Variants in CACNA1C observed in about 807,000 individuals in gnomAD.
The protein encoded by CACNA1C is voltage-dependent L-type calcium channel subunit alpha-1C.
In CACNA1C, 30 loss-of-function variants were observed where a neutral mutation model predicts 229.0. The ratio of observed to expected loss-of-function variants is 0.13; its 90% CI spans 0.10 to 0.18. The LOEUF (loss-of-function observed/expected upper bound fraction) is 0.18. Ranked by LOEUF, CACNA1C falls within the 10% of genes least tolerant of loss-of-function variation. The pLI, the probability that CACNA1C is intolerant of heterozygous loss-of-function variation, is 1.00. For synonymous variants in CACNA1C, 1,114 were observed against 1,132.5 expected (o/e 0.98, Z 0.33); for missense variants, 1,658 against 2,845.0 (o/e 0.58, Z 9.49).
chr12:2,486,395 A>T lies in CACNA1C; in HGVS notation c.916+133A>T. 1 of 661,810 alleles carries T rather than the reference A, an allele frequency of 1.5e-6. No individual in the cohort carries two copies. The highest frequency in any genetic ancestry group is 2.8e-5 in the South Asian group (1 of 35,718). 41.0% of individuals were successfully genotyped at this position (661,810 alleles called of 1,614,324 possible). On this transcript the variant is annotated intron_variant, in intron 6 of 46. Transcript: ENST00000399655. This position sits in a 1 kb window ranked among gnomAD's most constrained non-coding sequence, Gnocchi z 4.9. Reference sequence around the variant, plus strand: ...CCATTCATTCAGACACACACTGGGCATGGTTAAGTGAGAGGCAGAGACCCG... The same window carrying T: ...CCATTCATTCAGACACACACTGGGCTTGGTTAAGTGAGAGGCAGAGACCCG...
intron 3 of CACNA1C, among the ~76,000 whole-genome samples, chr12:2,371,585 G>A (rs113130122): frequency 2.3e-3 from 343 of 152,194 alleles, no homozygotes; most frequent in Non-Finnish European, 3.9e-3. Context: ...TACCACTGGT[G>A]CTCCAGGAAT....
intron 28 of CACNA1C, 90 bp from the exon 29 acceptor site, chr12:2,611,813 C>T (rs1450484211): frequency 6.6e-6 from 5 of 763,066 alleles, no homozygotes; most frequent in South Asian, 3.2e-5. Flanking sequence ...CTTGCTGAGG[C>T]GAGGGCCTTC....
At chr12:2,151,123 G>A (rs539062006) in intron 3 of CACNA1C, among the ~76,000 whole-genome samples, 1 of 152,280 alleles carries the variant, frequency 6.6e-6, no homozygotes, top group Admixed American at 6.5e-5. Context: ...AGTGGTACAG[G>A]ATTCCTATGG....
chr12:2,619,653 G>C (rs539927404), intron 29 of CACNA1C, among the ~76,000 whole-genome samples: 14 of 152,090 alleles, frequency 9.2e-5, no homozygotes, highest in African/African-American at 3.4e-4. Context: ...CAAGCCTTCA[G>C]CTCAGTTTTT....
intron 1 of CACNA1C, among the ~76,000 whole-genome samples, chr12:2,100,009 G>A (rs1363184279): frequency 3.3e-5 from 5 of 152,230 alleles, no homozygotes; most frequent in South Asian, 2.1e-4. Flanking sequence ...ACAGAGGCTC[G>A]AATTTGGATC....
intron 3 of CACNA1C, among the ~76,000 whole-genome samples, chr12:2,243,508 C>T (rs2071541406): frequency 6.6e-6 from 1 of 152,162 alleles, no homozygotes; most frequent in Non-Finnish European, 1.5e-5. Flanking sequence ...GCCATCAGTG[C>T]GATCACCATC....
At chr12:2,418,498 G>T (rs952252258) in intron 3 of CACNA1C, among the ~76,000 whole-genome samples, 4 of 151,930 alleles carry the variant, frequency 2.6e-5, no homozygotes, top group African/African-American at 9.7e-5. Context: ...GCAGACTGTT[G>T]CTCAGTTAGG....
chr12:2,365,300 G>T (rs73035442), intron 3 of CACNA1C, among the ~76,000 whole-genome samples: 1 of 152,244 alleles, frequency 6.6e-6, no homozygotes, highest in Non-Finnish European at 1.5e-5. Flanking sequence ...AAAAGAAATC[G>T]GTAATTTTAG....
chr12:2,191,100 G>A (rs1202406552), intron 3 of CACNA1C, among the ~76,000 whole-genome samples: 5 of 152,136 alleles, frequency 3.3e-5, no homozygotes, highest in Non-Finnish European at 7.4e-5. Context: ...CCCACTCCAC[G>A]GAGCAGCCCG....
At chr12:2,105,183 G>A (rs2077733477) in intron 1 of CACNA1C, among the ~76,000 whole-genome samples, 1 of 152,244 alleles carries the variant, frequency 6.6e-6, no homozygotes, top group South Asian at 2.1e-4. Flanking sequence ...GAATGCTGTA[G>A]CTTTTCCGCT....
chr12:2,326,129 G>A (rs2096279872), intron 3 of CACNA1C, among the ~76,000 whole-genome samples: 1 of 152,148 alleles, frequency 6.6e-6, no homozygotes, highest in South Asian at 2.1e-4. Context: ...GGCTTTTGAG[G>A]GGTGGACTAA....
chr12:2,010,194 T>C (rs937163153), intron 1 of CACNA1C, among the ~76,000 whole-genome samples: 2 of 152,226 alleles, frequency 1.3e-5, no homozygotes, highest in Non-Finnish European at 2.9e-5. Flanking sequence ...ATTCCCAATA[T>C]TTTTATACGC....
intron 3 of CACNA1C, among the ~76,000 whole-genome samples, chr12:2,291,939 T>C (rs764141598): frequency 1.1e-4 from 16 of 152,204 alleles, no homozygotes; most frequent in Non-Finnish European, 2.1e-4. Flanking sequence ...TTTGGAAGCA[T>C]TTTTCCAACT....
chr12:2,283,941 C>G (rs1263130700), intron 3 of CACNA1C, among the ~76,000 whole-genome samples: 1 of 152,198 alleles, frequency 6.6e-6, no homozygotes, highest in Non-Finnish European at 1.5e-5. Flanking sequence ...CTTGGCTATG[C>G]CTTTTTCCAA....
intron 5 of CACNA1C, among the ~76,000 whole-genome samples, chr12:2,475,293 C>T (rs1207596609): frequency 1.3e-5 from 2 of 150,020 alleles, no homozygotes; most frequent in Non-Finnish European, 3.0e-5. Context: ...AGTGAGACTC[C>T]ATCTCAAAAA....
chr12:2,039,461 A>G lies in CACNA1C; in HGVS notation c.139+68260A>G, dbSNP rs74617111. On this transcript the variant is annotated intron_variant, in intron 1 of 46. Coordinates refer to the CACNA1C transcript ENST00000682462. ...ATTCTCTACCACCAACAGGATAGAT[A>G]GAGCAATCATTCATTTATTCATCAG... Among the ~76,000 whole-genome samples, 929 of 152,354 alleles carry G rather than the reference A, an allele frequency of 6.1e-3. 10 individuals are homozygous for G. The highest frequency in any genetic ancestry group is 0.021 in the African/African-American group (889 of 41,580).
intron 3 of CACNA1C, among the ~76,000 whole-genome samples, chr12:2,438,136 T>C (rs1596272952): frequency 6.8e-6 from 1 of 146,634 alleles, no homozygotes; most frequent in Non-Finnish European, 1.5e-5. Flanking sequence ...GTAGGGATGG[T>C]GGTAATGGTG....
intron 1 of CACNA1C, among the ~76,000 whole-genome samples, chr12:2,057,561 C>T (rs183525298): frequency 7.9e-5 from 12 of 152,264 alleles, no homozygotes; most frequent in African/African-American, 1.4e-4. Context: ...TCCGTGCCGC[C>T]GCACACACTG....
chr12:2,070,017 C>T (rs900266232), intron 1 of CACNA1C, among the ~76,000 whole-genome samples: 17 of 152,136 alleles, frequency 1.1e-4, no homozygotes, highest in Non-Finnish European at 2.2e-4. Flanking sequence ...CTTTTCCAGG[C>T]TTGTTTCAAA....
Sources: gnomAD v4.1 joint callset for allele counts (sites outside exome capture counted in the v4.1 genomes callset) on GRCh38, gnomAD v4.1.1 for gene constraint, Gnocchi (gnomAD v3.1) non-coding constraint, MANE v1.5 for transcripts, NCBI Gene and HGNC (gene_info 2026-07-23, HGNC 2026-07-21) for gene names.